LRP5: variants seen among roughly 807,000 people sequenced by gnomAD.
LRP5 encodes the protein low-density lipoprotein receptor-related protein 5.
LRP5 carries 62 observed loss-of-function variants against 154.1 expected under a neutral mutation model. The observed-to-expected ratio is 0.40, with a 90% CI of 0.33 to 0.50. The LOEUF (loss-of-function observed/expected upper bound fraction) is 0.50. Among genes scored for constraint, LRP5 ranks in the 20% least tolerant of loss-of-function variants. The pLI is 0.55. For missense variants in LRP5, 1,915 were observed against 2,336.7 expected, an observed-to-expected ratio of 0.82 and a Z score of 3.72; for synonymous variants, 966 against 1,011.5, an observed-to-expected ratio of 0.96 and a Z score of 0.85.
chr11:68,350,204 G>T (rs1272196822), intron 2 of LRP5, among the ~76,000 whole-genome samples: 1 of 152,212 alleles, frequency 6.6e-6, no homozygotes, highest in African/African-American at 2.4e-5. Flanking sequence ...ACCTGGCTAG[G>T]TTTTGTATTT....
intron 8 of LRP5, among the ~76,000 whole-genome samples, chr11:68,404,639 A>T (rs574322738): frequency 6.6e-6 from 1 of 152,120 alleles, no homozygotes; most frequent in Non-Finnish European, 1.5e-5. Context: ...GATGCAATCC[A>T]TGAATTTAGT....
the LRP5 span, among the ~76,000 whole-genome samples, chr11:68,303,647 C>T: frequency 2.0e-5 from 3 of 152,304 alleles, no homozygotes; most frequent in East Asian, 5.8e-4. Flanking sequence ...GTCTGCGCCA[C>T]CACACCAAGC....
chr11:68,371,638 A>G (rs2098634070), intron 5 of LRP5, among the ~76,000 whole-genome samples: 1 of 152,210 alleles, frequency 6.6e-6, no homozygotes. Context: ...CCCGGCGGGC[A>G]TGAATTAGCT....
chr11:68,312,389 C>T (rs114892151), upstream of LRP5, among the ~76,000 whole-genome samples: 5,111 of 151,462 alleles, frequency 0.034, 255 homozygotes, highest in African/African-American at 0.12. Flanking sequence ...CGCGCCAAGC[C>T]TCCCGGAGGC....
chr11:68,437,046 C>T (rs766567565), intron 19 of LRP5, 47 bp downstream of exon 19: 1 of 1,531,046 alleles, frequency 6.5e-7, no homozygotes, highest in South Asian at 1.1e-5. Context: ...GCTGGGTTCC[C>T]CCAGGAACGT....
chr11:68,336,747 T>C (rs1045209111), intron 1 of LRP5, among the ~76,000 whole-genome samples: 2 of 152,188 alleles, frequency 1.3e-5, no homozygotes, highest in Admixed American at 6.5e-5. Flanking sequence ...GAGATTACAG[T>C]CGTGAGCCAC....
chr11:68,406,961 T>TC, intron 9 of LRP5, 148 bp downstream of exon 9: 1 of 696,818 alleles, frequency 1.4e-6, no homozygotes, highest in Non-Finnish European at 2.2e-6. Context: ...GCAAGCCTAT[T>TC]TAAAAAAAAA....
chr11:68,334,681 C>A (rs1033196721), intron 1 of LRP5, among the ~76,000 whole-genome samples: 1 of 152,036 alleles, frequency 6.6e-6, no homozygotes, highest in Non-Finnish European at 1.5e-5. Flanking sequence ...TTGAGACCAG[C>A]GTGGCCAATG....
intron 18 of LRP5, 135 bp downstream of exon 18, chr11:68,433,973 T>C: frequency 1.2e-6 from 1 of 859,374 alleles, no homozygotes; most frequent in Non-Finnish European, 1.9e-6. Context: ...CAAGTCTGTC[T>C]TTTAGGCCCA....
In LRP5 at chr11:68,409,903, C is replaced by T. The variant is rs769128606; in HGVS notation, c.2092-11C>T. On this transcript the variant is annotated splice_polypyrimidine_tract_variant and intron_variant, in intron 9 of 22. Coordinates refer to ENST00000294304, the MANE Select transcript of LRP5 (RefSeq NM_002335.4). ...TAAAATGTGGCCCTTTTCCTCCTCA[C>T]CTGCTGCCAGACCATCAGCCGCGCC... is the stretch of plus-strand genomic sequence containing the variant. 1.5e-5 allele frequency: 24 copies of T among 1,608,296 alleles called. No homozygotes were observed. In the African/African-American group the frequency reaches 2.7e-4, roughly 18 times the overall value.
intron 9 of LRP5, among the ~76,000 whole-genome samples, chr11:68,409,549 A>G (rs985176389): frequency 2.0e-5 from 3 of 151,978 alleles, no homozygotes; most frequent in African/African-American, 7.3e-5. Context: ...AGATGTCTAC[A>G]AAACACGCTG....
intron 10 of LRP5, among the ~76,000 whole-genome samples, chr11:68,411,086 T>C (rs2098659153): frequency 6.6e-6 from 1 of 152,162 alleles, no homozygotes; most frequent in African/African-American, 2.4e-5. Flanking sequence ...TGTGCTTGTG[T>C]CCATCCTGGT....
Position 68,365,794 on chromosome 11 carries a change from G to C in LRP5, c.1015+92G>C, listed in dbSNP as rs1034306075. On this transcript the variant is annotated intron_variant, in intron 5 of 22. Coordinates refer to ENST00000294304, the MANE Select transcript of LRP5 (RefSeq NM_002335.4). ...CCGGGGGTGCCCCAGAAGGAACCTCGGCAAACCCGTTCGAAATGATCCACT... is the reference window on the plus strand; with the variant it reads ...CCGGGGGTGCCCCAGAAGGAACCTCCGCAAACCCGTTCGAAATGATCCACT... 2.3e-6 allele frequency: 3 copies of C among 1,293,326 alleles called. No homozygotes were observed. The Admixed American group carries it at 7.1e-5, about 31-fold the overall frequency. 80.1% of individuals were successfully genotyped at this position (1,293,326 alleles called of 1,614,324 possible).
chr11:68,309,728 A>G (rs934340853), upstream of LRP5, among the ~76,000 whole-genome samples: 5 of 151,878 alleles, frequency 3.3e-5, no homozygotes, highest in African/African-American at 4.8e-5. Flanking sequence ...TGTGTCCTCT[A>G]TGACAGGCCA....
intron 3 of LRP5, among the ~76,000 whole-genome samples, chr11:68,358,908 C>T (rs1262241690): frequency 6.6e-6 from 1 of 152,186 alleles, no homozygotes; most frequent in East Asian, 1.9e-4. Context: ...GAGCTCCTGG[C>T]CCAGGCAGGG....
At chr11:68,318,609 G>C (rs1169080761) in intron 1 of LRP5, among the ~76,000 whole-genome samples, 1 of 152,190 alleles carries the variant, frequency 6.6e-6, no homozygotes, top group East Asian at 1.9e-4. Flanking sequence ...AAAGTGCTGG[G>C]ATTACAGACA....
intron 22 of LRP5, among the ~76,000 whole-genome samples, chr11:68,448,321 A>G (rs545881349): frequency 6.6e-6 from 1 of 152,328 alleles, no homozygotes; most frequent in South Asian, 2.1e-4. Context: ...GCCAAACCCT[A>G]TCGGTTGCCA....
chr11:68,410,206 C>A, intron 10 of LRP5, 66 bp downstream of exon 10: 2 of 1,345,658 alleles, frequency 1.5e-6, no homozygotes, highest in Non-Finnish European at 2.1e-6. Context: ...GGGGTGCCAA[C>A]TGGGCAAGGT....
intron 7 of LRP5, among the ~76,000 whole-genome samples, chr11:68,401,066 T>C (rs2098652373): frequency 6.6e-6 from 1 of 152,234 alleles, no homozygotes; most frequent in African/African-American, 2.4e-5. Flanking sequence ...CGCCCGCTAC[T>C]GTGAGCCCCT....
Sources: allele counts gnomAD v4.1 joint callset (sites outside exome capture counted in the v4.1 genomes callset), GRCh38; gene constraint gnomAD v4.1.1; transcripts MANE v1.5; gene names NCBI Gene and HGNC (gene_info 2026-07-23, HGNC 2026-07-21).